The following EHBP1 variants were observed in gnomAD, a reference collection of about 807,000 sequenced individuals.
The protein encoded by EHBP1 is EH domain binding protein 1, also known as EH domain-binding protein 1.
In EHBP1, 55 loss-of-function variants were observed where a neutral mutation model predicts 144.0. The ratio of observed to expected loss-of-function variants is 0.38; its 90% CI spans 0.31 to 0.48. The LOEUF (loss-of-function observed/expected upper bound fraction) is 0.48, where lower values mean the gene tolerates loss of function less well. Ranked by LOEUF, EHBP1 falls within the 20% of genes least tolerant of loss-of-function variation. EHBP1 has a pLI of 0.98. For synonymous variants in EHBP1, 469 were observed against 472.7 expected, an observed-to-expected ratio of 0.99 and a Z score of 0.10; for missense variants, 1,200 against 1,364.2, an observed-to-expected ratio of 0.88 and a Z score of 1.90.
intron 18 of EHBP1, among the ~76,000 whole-genome samples, chr2:62,996,303 AG>A (rs540207065): frequency 1.8e-4 from 28 of 152,158 alleles, no homozygotes; most frequent in Admixed American, 3.9e-4. Context: ...ATAATCACAA[AG>A]GGGAAAATTA....
chr2:62,959,857 C>T (rs966907887), intron 14 of EHBP1, among the ~76,000 whole-genome samples: 1 of 152,092 alleles, frequency 6.6e-6, no homozygotes, highest in Non-Finnish European at 1.5e-5. Context: ...TACAAGTAAA[C>T]TTAAGTCCTT....
At chr2:62,793,355 T>C (rs1228782547) in intron 5 of EHBP1, among the ~76,000 whole-genome samples, 1 of 152,100 alleles carries the variant, frequency 6.6e-6, no homozygotes, top group Non-Finnish European at 1.5e-5. Context: ...CTGCAGTGAC[T>C]CTCACTTTGG....
Position 62,948,679 on chromosome 2 carries a change from G to C in EHBP1, c.1833G>C (p.Arg611Ser). The C allele has an allele frequency of 6.2e-7, 1 of 1,613,944 alleles. No homozygotes were observed. The highest frequency in any genetic ancestry group is 2.2e-5 in the East Asian group (1 of 44,816). Residue 611 changes from arginine (R) to serine (S), a missense_variant, in exon 13 of 23, where the codon AGG (arginine) becomes AGC (serine). Arg to Ser is a moderately radical substitution (Grantham distance 110). Around this residue, in one of 6 missense-constraint regions of EHBP1, gnomAD observed 543 missense variants for 513.1 expected, o/e 1.06. Coordinates refer to ENST00000431489, the MANE Select transcript of EHBP1 (RefSeq NM_001142616.3). ...GCACAGCCTCCCCTTACTGTCGCAG[G>C]ACTAAAAGTGACACAGAACCCCAGA... ...SPSTASPYCRRTKSDTEPQKS... is the reference protein window; with the variant it reads ...SPSTASPYCRSTKSDTEPQKS...
intron 10 of EHBP1, among the ~76,000 whole-genome samples, chr2:62,894,004 C>T (rs762738870): frequency 6.5e-4 from 98 of 151,398 alleles, no homozygotes; most frequent in Non-Finnish European, 8.8e-4. Context: ...AAAATTGTGC[C>T]GCTGCACTCC....
At chr2:62,740,869 T>C (rs2038635584) in intron 2 of EHBP1, among the ~76,000 whole-genome samples, 1 of 152,154 alleles carries the variant, frequency 6.6e-6, no homozygotes, top group Admixed American at 6.5e-5. Context: ...AAAGGATAAA[T>C]TTGGTCTCAG....
At chr2:62,989,779 A>C (rs917901661) in intron 15 of EHBP1, among the ~76,000 whole-genome samples, 3 of 151,984 alleles carry the variant, frequency 2.0e-5, no homozygotes, top group African/African-American at 7.2e-5. Context: ...TCCTTGCTTT[A>C]TTTTCCCCCC....
intron 5 of EHBP1, among the ~76,000 whole-genome samples, chr2:62,823,943 T>G (rs2046163794): frequency 6.6e-6 from 1 of 152,040 alleles, no homozygotes; most frequent in Non-Finnish European, 1.5e-5. Context: ...GCTCTTTGCA[T>G]TGTTCCTAAG....
chr2:62,737,118 A>G (rs553547044), intron 2 of EHBP1, among the ~76,000 whole-genome samples: 1 of 152,138 alleles, frequency 6.6e-6, no homozygotes, highest in African/African-American at 2.4e-5. Flanking sequence ...GGAGTTGGAT[A>G]TTTTCCTTTT....
At chr2:62,694,710 A>G (rs1219053334) in intron 1 of EHBP1, among the ~76,000 whole-genome samples, 1 of 152,056 alleles carries the variant, frequency 6.6e-6, no homozygotes, top group East Asian at 1.9e-4. Flanking sequence ...TCATTTTCCC[A>G]TTCCCATTTT....
At chr2:62,816,566 A>G (rs1437665038) in intron 5 of EHBP1, among the ~76,000 whole-genome samples, 1 of 152,200 alleles carries the variant, frequency 6.6e-6, no homozygotes, top group Non-Finnish European at 1.5e-5. Context: ...GTTTTTGGAT[A>G]TATGCTGTTT....
chr2:62,907,800 G>A (rs926100386), intron 10 of EHBP1, among the ~76,000 whole-genome samples: 1 of 152,156 alleles, frequency 6.6e-6, no homozygotes, highest in African/African-American at 2.4e-5. Flanking sequence ...GTCCTCTTTG[G>A]TGAAATGTCT....
At chr2:62,781,659 G>C (rs776893071) in intron 5 of EHBP1, among the ~76,000 whole-genome samples, 1 of 152,100 alleles carries the variant, frequency 6.6e-6, no homozygotes, top group Admixed American at 6.5e-5. Context: ...GGCAAGAGAG[G>C]CTTCTTTGTG....
rs180722365 is a variant in EHBP1 at position 62,687,108 on chromosome 2, C to T, written c.-296+13025C>T. 1.2e-3 allele frequency among the ~76,000 whole-genome samples: 187 copies of T among 152,302 alleles called. 2 individuals are homozygous for T. The highest frequency in any genetic ancestry group is 4.3e-3 in the African/African-American group (180 of 41,572). On this transcript the variant is annotated intron_variant, in intron 1 of 22. Coordinates refer to the EHBP1 transcript ENST00000405015. ...TGTCTTCAGCTGTTTTGACTTGAAG[C>T]AGACATAAATCCTCTCCAGGTCTCT...
intron 10 of EHBP1, among the ~76,000 whole-genome samples, chr2:62,877,963 T>A (rs1255216394): frequency 1.3e-5 from 2 of 152,094 alleles, no homozygotes; most frequent in Admixed American, 1.3e-4. Context: ...TAGCAGAAGA[T>A]GACAAATCTT....
chr2:63,021,677 G>A lies in EHBP1; in HGVS notation c.3104-15858G>A, dbSNP rs183367830. ...ATCAGAGATGGATAAGTATGTATGC[G>A]TTGGCCCCTGAGTCCCGAACCAAAA... On this transcript the variant is annotated intron_variant, in intron 19 of 22. Transcript: ENST00000431489. Among the ~76,000 whole-genome samples, 430 of 152,250 alleles carry A rather than the reference G, an allele frequency of 2.8e-3. 1 individual carries two copies. The highest frequency in any genetic ancestry group is 4.7e-3 in the Non-Finnish European group (319 of 68,022).
chr2:62,878,544 G>C (rs924250429), intron 10 of EHBP1, among the ~76,000 whole-genome samples: 9 of 152,190 alleles, frequency 5.9e-5, no homozygotes, highest in African/African-American at 2.2e-4. Context: ...ATCCTCTGAT[G>C]AATGTAGATG....
Position 62,987,936 on chromosome 2 carries a change from A to G in EHBP1, c.2609-2780A>G, listed in dbSNP as rs757697685. The G allele has an allele frequency of 3.9e-6, 6 of 1,546,374 alleles. No homozygotes were observed. In the Admixed American group the frequency reaches 1.0e-4, roughly 27 times the overall value. On this transcript the variant is annotated intron_variant, in intron 15 of 22. Coordinates refer to ENST00000431489, the MANE Select transcript of EHBP1 (RefSeq NM_001142616.3). ...ATTGCTACATGTTCCTACAGATGAA[A>G]ATGATAATATTGAGATAGATACTAA...
intron 5 of EHBP1, among the ~76,000 whole-genome samples, chr2:62,798,533 T>C (rs1393171826): frequency 6.6e-6 from 1 of 152,212 alleles, no homozygotes; most frequent in Non-Finnish European, 1.5e-5. Flanking sequence ...AGAAAGTCGA[T>C]GAACTTGGCT....
At chr2:62,770,285 A>G (rs1261801073) in intron 4 of EHBP1, among the ~76,000 whole-genome samples, 1 of 152,258 alleles carries the variant, frequency 6.6e-6, no homozygotes, top group African/African-American at 2.4e-5. Context: ...AAGGTCTAAT[A>G]TCCAGCATCT....
Sources: gnomAD v4.1 joint callset for allele counts (sites outside exome capture counted in the v4.1 genomes callset) on GRCh38, gnomAD v4.1.1 for gene constraint, gnomAD v4.1.1 regional missense constraint, MANE v1.5 for transcripts, NCBI Gene and HGNC (gene_info 2026-07-23, HGNC 2026-07-21) for gene names.